SLC22A23: variants seen among roughly 807,000 people sequenced by gnomAD.
SLC22A23 encodes solute carrier family 22 member 23, also known as ion transporter protein.
In SLC22A23, 26 loss-of-function variants were observed where a neutral mutation model predicts 61.0. The ratio of observed to expected loss-of-function variants is 0.43; its 90% CI spans 0.31 to 0.59. The LOEUF (loss-of-function observed/expected upper bound fraction) is 0.59. SLC22A23 is among the 20% of genes least tolerant of loss of function. The probability of loss-of-function intolerance (pLI) is 0.11; values close to 1 mark genes in which losing one functional copy is unlikely to be tolerated. For missense variants in SLC22A23, 796 were observed against 934.7 expected, an observed-to-expected ratio of 0.85 and a Z score of 1.94; for synonymous variants, 430 against 413.9, an observed-to-expected ratio of 1.04 and a Z score of -0.47.
rs142818893 is a variant in SLC22A23, at chr6:3,323,579, C to T, written c.1082+255G>A. ...AGCAAGAAGGGGTGAGCCAGACTGG[C>T]CAGTGCATTTGCAGATTTTTGGAGC... On this transcript the variant is annotated intron_variant, in intron 4 of 9. Coordinates refer to ENST00000406686, the MANE Select transcript of SLC22A23 (RefSeq NM_015482.2). The T allele has an allele frequency of 2.1e-3, 1,164 of 554,536 alleles. 8 individuals carry two copies. The highest frequency in any genetic ancestry group is 0.01 in the Middle Eastern group (21 of 2,056). The allele number at this position is 554,536 out of a possible 1,614,324, so 34.4% of individuals were successfully genotyped here.
intron 5 of SLC22A23, among the ~76,000 whole-genome samples, chr6:3,295,817 C>T (rs968098026): frequency 5.3e-5 from 8 of 152,132 alleles, no homozygotes; most frequent in Middle Eastern, 3.2e-3. Context: ...TGAAGGGCTG[C>T]GGGGCAGAGC....
Position 3,372,703 on chromosome 6 carries a change from C to T in SLC22A23, c.913+37485G>A, listed in dbSNP as rs543246549. Among the ~76,000 whole-genome samples, 6 of 152,298 alleles carry T rather than the reference C, an allele frequency of 3.9e-5. No individual in the cohort carries two copies. The highest frequency in any genetic ancestry group is 2.1e-4 in the South Asian group (1 of 4,828). On this transcript the variant is annotated intron_variant, in intron 3 of 9. Coordinates refer to ENST00000406686, the MANE Select transcript of SLC22A23 (RefSeq NM_015482.2). The surrounding 1 kb of genome is among the most constrained non-coding windows in gnomAD (Gnocchi z 4.7). ...GCATCCCAGGGAGCTGGAGCACAGC[C>T]GGGGCGTTAGATATGGAGCCTCAGG...
chr6:3,442,947 G>A (rs1445063376), intron 1 of SLC22A23, among the ~76,000 whole-genome samples: 1 of 152,172 alleles, frequency 6.6e-6, no homozygotes, highest in Admixed American at 6.5e-5. Flanking sequence ...AACTTTGAGA[G>A]AGCGGCATTT....
Position 3,324,055 on chromosome 6 carries a change from G to T in SLC22A23, c.914-53C>A. The T allele has an allele frequency of 6.3e-7, 1 of 1,593,000 alleles. No homozygotes were observed. The highest frequency in any genetic ancestry group is 1.7e-5 in the Admixed American group (1 of 59,286). ...ATGAGTGCCCTGCTCGACAGCCCGA[G>T]AAGTCCTGGGTGCACCTGGGCCAGT... is the stretch of plus-strand genomic sequence containing the variant. On this transcript the variant is annotated intron_variant, in intron 3 of 9. Coordinates refer to ENST00000406686, the MANE Select transcript of SLC22A23 (RefSeq NM_015482.2). This position sits in a 1 kb window ranked among gnomAD's most constrained non-coding sequence, Gnocchi z 4.3.
intron 1 of SLC22A23, among the ~76,000 whole-genome samples, chr6:3,422,786 T>TA (rs1357996312): frequency 6.6e-6 from 1 of 152,172 alleles, no homozygotes. Flanking sequence ...ATCTTTCCTT[T>TA]TTTCTACCTT....
chr6:3,322,470 G>A lies in SLC22A23; in HGVS notation c.1082+1364C>T, dbSNP rs930146336. Reference sequence around the variant, plus strand: ...GGGCACAAGGGCTGTCCTGGAACACGGTTGTGCTGCGGGAGGGGTTTGGAC... The same window carrying A: ...GGGCACAAGGGCTGTCCTGGAACACAGTTGTGCTGCGGGAGGGGTTTGGAC... On this transcript the variant is annotated intron_variant, in intron 4 of 9. Coordinates refer to ENST00000406686, the MANE Select transcript of SLC22A23 (RefSeq NM_015482.2). This position sits in a 1 kb window ranked among gnomAD's most constrained non-coding sequence, Gnocchi z 4.1. 6.6e-5 allele frequency among the ~76,000 whole-genome samples: 10 copies of A among 152,196 alleles called. No homozygotes were observed. Among genetic ancestry groups the A allele is most frequent in the African/African-American group, 2.2e-4 (9 of 41,418 alleles).
intron 3 of SLC22A23, among the ~76,000 whole-genome samples, chr6:3,393,389 G>A (rs1767792971): frequency 6.6e-6 from 1 of 152,186 alleles, no homozygotes; most frequent in Non-Finnish European, 1.5e-5. Context: ...GAATTAAAAT[G>A]GTTTTAAATG....
intron 3 of SLC22A23, among the ~76,000 whole-genome samples, chr6:3,394,796 T>C (rs149173207): frequency 6.6e-6 from 1 of 152,306 alleles, no homozygotes; most frequent in Non-Finnish European, 1.5e-5. Flanking sequence ...GATAGTCCCA[T>C]GTCCTCTGTG....
chr6:3,451,295 T>C (rs2017554), intron 1 of SLC22A23, among the ~76,000 whole-genome samples: 123,917 of 152,248 alleles, frequency 0.81, 51,215 homozygotes, highest in African/African-American at 0.95. Context: ...CTCCCAGGCT[T>C]GAGGGACTCT....
chr6:3,387,621 T>A lies in SLC22A23; in HGVS notation c.913+22567A>T, dbSNP rs1045314179. Among the ~76,000 whole-genome samples the A allele has an allele frequency of 9.9e-5, 15 of 152,240 alleles. No individual in the cohort carries two copies. Among genetic ancestry groups the A allele is most frequent in the Admixed American group, 4.6e-4 (7 of 15,284 alleles). The stretch of plus-strand genomic sequence containing the variant: ...GGGACCGTAGCGTGGTTATGTGAGT[T>A]CACGTTAGCGGAAGGCGGGTGAGTG... On this transcript the variant is annotated intron_variant, in intron 3 of 9. Transcript: ENST00000406686. The surrounding 1 kb of genome is among the most constrained non-coding windows in gnomAD (Gnocchi z 5.0).
intron 4 of SLC22A23, among the ~76,000 whole-genome samples, chr6:3,305,060 G>A (rs566666850): frequency 1.5e-4 from 23 of 152,100 alleles, no homozygotes; most frequent in Non-Finnish European, 3.2e-4. Context: ...CCACTGGGGG[G>A]TAGCACTGCT....
chr6:3,426,083 G>A (rs781414780), intron 1 of SLC22A23, among the ~76,000 whole-genome samples: 7 of 152,202 alleles, frequency 4.6e-5, no homozygotes, highest in Non-Finnish European at 8.8e-5. Context: ...TCAGGGGTCT[G>A]TGAATAGCAG....
In SLC22A23 at chr6:3,324,000, T is replaced by C. The variant is rs771833465; in HGVS notation, c.916A>G (p.Ile306Val). The change falls in exon 4 of 10, where the codon ATA (isoleucine) becomes GTA (valine). Residue 306 changes from isoleucine to valine, a missense_variant and splice_region_variant. By Grantham distance (29) the Ile-to-Val change is conservative. Coordinates refer to ENST00000406686, the MANE Select transcript of SLC22A23 (RefSeq NM_015482.2). ...GIILTLYALRIELCPPGKRFM... is the reference protein window; with the variant it reads ...GIILTLYALRVELCPPGKRFM... ...CGTTTTCCAGGGGGGCACAGCTCTA[T>C]TCCTAGAACACAGAACCAATGAGAG... 5.6e-6 allele frequency: 9 copies of C among 1,614,020 alleles called. No homozygotes were observed. Among genetic ancestry groups the C allele is most frequent in the Admixed American group, 1.7e-5 (1 of 60,026 alleles).
intron 3 of SLC22A23, among the ~76,000 whole-genome samples, chr6:3,366,272 G>A (rs917075546): frequency 7.1e-6 from 1 of 141,500 alleles, no homozygotes; most frequent in African/African-American, 2.7e-5. Flanking sequence ...GGTGGAAGTT[G>A]CAGTGAGCCG....
chr6:3,406,365 G>T (rs1177079212), intron 3 of SLC22A23, among the ~76,000 whole-genome samples: 2 of 152,138 alleles, frequency 1.3e-5, no homozygotes, highest in Non-Finnish European at 2.9e-5. Context: ...GTTAGGAAAA[G>T]GATTCATACC....
rs375803409 is a variant in SLC22A23 at position 3,347,376 on chromosome 6, G to A, written c.914-23374C>T. ...GCTGACACAGAGAAGACTCTGGTGA[G>A]TGTTGGCGGCTGACCTGAGCAACCA... On this transcript the variant is annotated intron_variant, in intron 3 of 9. Transcript: ENST00000406686. Among the ~76,000 whole-genome samples, 4 of 152,296 alleles carry A rather than the reference G, an allele frequency of 2.6e-5. No homozygotes were observed. In the East Asian group the frequency reaches 7.7e-4, roughly 29 times the overall value.
At chr6:3,431,519 T>G (rs1770862454) in intron 1 of SLC22A23, among the ~76,000 whole-genome samples, 1 of 152,208 alleles carries the variant, frequency 6.6e-6, no homozygotes, top group Non-Finnish European at 1.5e-5. Context: ...CAGGTTGAAG[T>G]TATGGATGAG....
chr6:3,366,721 C>T (rs1411676569), intron 3 of SLC22A23, among the ~76,000 whole-genome samples: 6 of 152,156 alleles, frequency 3.9e-5, no homozygotes, highest in African/African-American at 1.4e-4. Context: ...TCCAAAATAT[C>T]AGCCTCAGAG....
intron 1 of SLC22A23, among the ~76,000 whole-genome samples, chr6:3,447,051 TCTGA>T (rs1554163032): frequency 6.6e-6 from 1 of 152,198 alleles, no homozygotes; most frequent in Non-Finnish European, 1.5e-5. Context: ...AAATACGAAC[TCTGA>T]CTGCATCATA....
Sources: gnomAD v4.1 joint callset for allele counts (sites outside exome capture counted in the v4.1 genomes callset) on GRCh38, gnomAD v4.1.1 for gene constraint, Gnocchi (gnomAD v3.1) non-coding constraint, MANE v1.5 for transcripts, NCBI Gene and HGNC (gene_info 2026-07-23, HGNC 2026-07-21) for gene names.